The following LIMCH1 variants were observed in gnomAD, a reference collection of about 807,000 sequenced individuals.
LIMCH1 encodes LIM and calponin homology domains 1.
A neutral mutation model predicts 176.5 loss-of-function variants in LIMCH1; 113 were observed. The observed-to-expected ratio is 0.64, with a 90% CI of 0.55 to 0.75. The LOEUF is 0.75. Among genes scored for constraint, LIMCH1 ranks in the 30% least tolerant of loss-of-function variants. The pLI is 0.00. For missense variants in LIMCH1, 1,674 were observed against 1,814.9 expected (o/e 0.92, Z 1.41); for synonymous variants, 619 against 645.9 (o/e 0.96, Z 0.63).
At chr4:41,503,494 C>T (rs1335722773) in intron 2 of LIMCH1, among the ~76,000 whole-genome samples, 1 of 152,186 alleles carries the variant, frequency 6.6e-6, no homozygotes, top group African/African-American at 2.4e-5. Context: ...GACAGACAGC[C>T]TTTGGAACTT....
intron 1 of LIMCH1, among the ~76,000 whole-genome samples, chr4:41,404,999 T>C (rs1044389735): frequency 4.6e-5 from 7 of 152,146 alleles, no homozygotes; most frequent in African/African-American, 1.7e-4. Context: ...GATTATTTCT[T>C]TAACCCATTT....
At chr4:41,459,016 A>G (rs1410334173) in intron 1 of LIMCH1, among the ~76,000 whole-genome samples, 1 of 152,120 alleles carries the variant, frequency 6.6e-6, no homozygotes, top group African/African-American at 2.4e-5. Flanking sequence ...GGGAAAAATA[A>G]TATTGATTTC....
At chr4:41,604,197 A>G in intron 3 of LIMCH1, 1 of 984,990 alleles carries the variant, frequency 1.0e-6, no homozygotes, top group Non-Finnish European at 1.2e-6. Context: ...ATCAGGCTCA[A>G]TACTAACATT....
At chr4:41,580,187 G>A (rs545250862) in intron 1 of LIMCH1, among the ~76,000 whole-genome samples, 1 of 152,226 alleles carries the variant, frequency 6.6e-6, no homozygotes, top group Admixed American at 6.5e-5. Flanking sequence ...TTTCGTGTCC[G>A]TTTTCAAAGA....
intron 1 of LIMCH1, among the ~76,000 whole-genome samples, chr4:41,593,982 CT>C (rs35972400): frequency 2.3e-5 from 3 of 129,524 alleles, no homozygotes; most frequent in African/African-American, 9.8e-5. Context: ...TACATGCATA[CT>C]TTTTTTGAAC....
intron 1 of LIMCH1, among the ~76,000 whole-genome samples, chr4:41,447,398 A>C (rs2063392827): frequency 6.6e-6 from 1 of 152,244 alleles, no homozygotes; most frequent in African/African-American, 2.4e-5. Flanking sequence ...CTATATCTGG[A>C]AAGAAGACAA....
At chr4:41,445,726 G>T (rs1273736872) in intron 1 of LIMCH1, among the ~76,000 whole-genome samples, 1 of 152,152 alleles carries the variant, frequency 6.6e-6, no homozygotes, top group Admixed American at 6.5e-5. Flanking sequence ...AATTAATTTT[G>T]CACTGATGGC....
At chr4:41,614,365 A>G (rs571827691) in intron 5 of LIMCH1, among the ~76,000 whole-genome samples, 3 of 152,326 alleles carry the variant, frequency 2.0e-5, no homozygotes, top group South Asian at 2.1e-4. Context: ...TTCAGAAGCC[A>G]TTTGTCTTAC....
rs146967384 is a variant in LIMCH1, at chr4:41,638,102, TTTGTTGTTGTTG to T, written c.2091-809_2091-798del. On this transcript the variant is annotated intron_variant, in intron 13 of 31. Transcript: ENST00000503057. ...CAGGCATTTGTGGGAGCTGTGTTGTTTTGTTGTTGTTGTTGTTGTTGTTGTTGTTGTTTTTTC... is the reference window on the plus strand; with the variant it reads ...CAGGCATTTGTGGGAGCTGTGTTGTTTTGTTGTTGTTGTTGTTGTTTTTTC... Among the ~76,000 whole-genome samples, 489 of 87,114 alleles carry T rather than the reference TTTGTTGTTGTTG, an allele frequency of 5.6e-3. 3 individuals carry two copies. Among genetic ancestry groups the T allele is most frequent in the East Asian group, 0.019 (92 of 4,744 alleles). The allele number at this position is 87,114 out of a possible 152,430, so 57.2% of individuals were successfully genotyped here. A position where few individuals can be genotyped will look rare whatever the true frequency, so the allele number is the denominator to read the frequency against.
rs1346365176 is a variant in LIMCH1, at chr4:41,633,678, A to G, written c.1960A>G (p.Met654Val). 7.8e-6 allele frequency: 12 copies of G among 1,536,058 alleles called. No individual in the cohort carries two copies. The highest frequency in any genetic ancestry group is 2.4e-5 in the East Asian group (1 of 40,922). Residue 654 changes from methionine to valine, a missense_variant, in exon 13 of 32, where the codon ATG becomes GTG. Physicochemically the swap from Met to Val is conservative, Grantham distance 21. Around this residue, in one of 3 missense-constraint regions of LIMCH1, gnomAD observed 1,015 missense variants for 1,102.5 expected, o/e 0.92. Coordinates refer to ENST00000503057, the MANE Select transcript of LIMCH1 (RefSeq NM_001330672.2). The stretch of plus-strand genomic sequence containing the variant: ...GTTGGATGATTCACGAAAAGATGAC[A>G]TGATGGCCAGGAGAACTGGGATGTC... ...RKLDDSRKDD[M>V]MARRTGMSLR... is the part of the protein sequence containing the mutation.
intron 18 of LIMCH1, among the ~76,000 whole-genome samples, chr4:41,659,512 T>G (rs550664134): frequency 5.9e-5 from 9 of 152,146 alleles, no homozygotes; most frequent in Non-Finnish European, 1.2e-4. Flanking sequence ...TTTCCACCAA[T>G]GCATTAACTT....
chr4:41,360,639 T>C (rs997007808), upstream of LIMCH1: 9 of 290,308 alleles, frequency 3.1e-5, no homozygotes, highest in Admixed American at 2.1e-4. The surrounding 1 kb of genome is among the most constrained non-coding windows in gnomAD (Gnocchi z 4.5). Context: ...TCACGGCGCG[T>C]TGGAGCCCGG....
chr4:41,559,152 T>A (rs993489803), intron 1 of LIMCH1, among the ~76,000 whole-genome samples: 5 of 152,184 alleles, frequency 3.3e-5, no homozygotes, highest in Non-Finnish European at 7.4e-5. Context: ...AATACAGTAC[T>A]CTAAGAATTG....
chr4:41,380,620 A>G (rs2055511239), intron 1 of LIMCH1, among the ~76,000 whole-genome samples: 2 of 152,104 alleles, frequency 1.3e-5, no homozygotes, highest in South Asian at 4.1e-4. Flanking sequence ...TCAGGGCCTG[A>G]GCATTGTTAT....
rs763489174 is a variant in LIMCH1, at chr4:41,531,515, C to CACACACACAT, written c.237+7038_237+7039insCACACACATA. On this transcript the variant is annotated intron_variant, in intron 3 of 26. Transcript: ENST00000313860. ...ACACACACACACACACACACACACA[C>CACACACACAT]ATACACACCTTATACTTGCCAACTC... 3.1e-3 allele frequency among the ~76,000 whole-genome samples: 326 copies of CACACACACAT among 105,862 alleles called. 2 individuals carry two copies. The highest frequency in any genetic ancestry group is 0.014 in the African/African-American group (283 of 20,170). The allele number at this position is 105,862 out of a possible 152,430, so 69.4% of individuals were successfully genotyped here.
Position 41,419,650 on chromosome 4 carries a change from C to G in LIMCH1, c.96+58714C>G, listed in dbSNP as rs1392116247. 1.9e-3 allele frequency among the ~76,000 whole-genome samples: 107 copies of G among 56,338 alleles called. 3 individuals are homozygous for G. Among genetic ancestry groups the G allele is most frequent in the South Asian group, 6.0e-3 (9 of 1,504 alleles). 37.0% of individuals were successfully genotyped at this position (56,338 alleles called of 152,430 possible). The stretch of plus-strand genomic sequence containing the variant: ...TCCTTCCTTCCTCCTTCCTTTCTTC[C>G]TCCTTCCTTCCTTCCTTCCTTCCTT... On this transcript the variant is annotated intron_variant, in intron 1 of 26. Coordinates refer to the LIMCH1 transcript ENST00000313860.
chr4:41,692,123 G>C (rs149486232), intron 30 of LIMCH1, among the ~76,000 whole-genome samples, 159 bp from the exon 31 acceptor site: 1 of 152,228 alleles, frequency 6.6e-6, no homozygotes, highest in East Asian at 1.9e-4. Flanking sequence ...TGCTTTTGCT[G>C]TAAGTTGACA....
In LIMCH1 at chr4:41,609,714, T is replaced by TAGAGTA. The variant is rs754651391; in HGVS notation, c.9+3711_9+3712insGAGTAA. 574 of 453,264 alleles carry TAGAGTA rather than the reference T, an allele frequency of 1.3e-3. 2 individuals are homozygous for TAGAGTA. The highest frequency in any genetic ancestry group is 2.0e-3 in the Non-Finnish European group (455 of 225,670). The allele number at this position is 453,264 out of a possible 1,614,324, so 28.1% of individuals were successfully genotyped here. ...AGTAGTTCTCACCCCTTCATTAACA[T>TAGAGTA]ACTTTAACTAGAGTAACTCAGTAGC... On this transcript the variant is annotated intron_variant, in intron 4 of 31. Coordinates refer to ENST00000503057, the MANE Select transcript of LIMCH1 (RefSeq NM_001330672.2).
chr4:41,687,782 A>G (rs1334468891), intron 28 of LIMCH1, 58 bp from the exon 29 acceptor site: 11 of 1,047,138 alleles, frequency 1.1e-5, no homozygotes, highest in Non-Finnish European at 1.6e-5. Flanking sequence ...GTCTTTTTTT[A>G]ATGGAGTTTG....
Sources: gnomAD v4.1 joint callset for allele counts (sites outside exome capture counted in the v4.1 genomes callset) on GRCh38, gnomAD v4.1.1 for gene constraint, gnomAD v4.1.1 regional missense constraint, Gnocchi (gnomAD v3.1) non-coding constraint, MANE v1.5 for transcripts, NCBI Gene and HGNC (gene_info 2026-07-23, HGNC 2026-07-21) for gene names.